VAT1L: variants seen among roughly 807,000 people sequenced by gnomAD.
VAT1L encodes the protein vesicle amine transport 1 like.
Under a neutral mutation model 44.1 loss-of-function variants are expected in VAT1L, and 34 were observed. The ratio of observed to expected loss-of-function variants is 0.77; its 90% CI spans 0.59 to 1.03. The LOEUF (loss-of-function observed/expected upper bound fraction) is 1.03, where lower values mean the gene tolerates loss of function less well. VAT1L is among the 50% of genes least tolerant of loss of function. The pLI is 0.00. For synonymous variants in VAT1L, 253 were observed against 202.2 expected (o/e 1.25, Z -2.13); for missense variants, 615 against 538.8 (o/e 1.14, Z -1.40).
At chr16:77,910,486 C>A (rs1488104411) in intron 7 of VAT1L, among the ~76,000 whole-genome samples, 1 of 151,916 alleles carries the variant, frequency 6.6e-6, no homozygotes, top group Non-Finnish European at 1.5e-5. Context: ...TCCTGGCTAA[C>A]ACGGTGAAAC....
chr16:77,811,954 T>A (rs185243180), intron 1 of VAT1L, among the ~76,000 whole-genome samples: 33 of 152,256 alleles, frequency 2.2e-4, no homozygotes, highest in African/African-American at 7.7e-4. Context: ...AAACAGACGA[T>A]GAGAGCTGGG....
chr16:77,937,171 G>A (rs1030041218), intron 7 of VAT1L, among the ~76,000 whole-genome samples: 3 of 152,118 alleles, frequency 2.0e-5, no homozygotes, highest in Non-Finnish European at 4.4e-5. Context: ...GTGAGCCACC[G>A]CGTCCTGCCC....
chr16:77,878,112 C>T (rs1232478094), intron 5 of VAT1L, among the ~76,000 whole-genome samples: 3 of 152,184 alleles, frequency 2.0e-5, no homozygotes, highest in South Asian at 2.1e-4. Flanking sequence ...TACTTCATTA[C>T]GTTGATCACT....
chr16:77,791,498 A>G (rs1205676225), intron 1 of VAT1L, among the ~76,000 whole-genome samples: 1 of 152,212 alleles, frequency 6.6e-6, no homozygotes, highest in Non-Finnish European at 1.5e-5. Flanking sequence ...CCTACAGAAC[A>G]GAAGAGCAAA....
In VAT1L at chr16:77,795,813, C is replaced by CTTTTTTTTTT. The variant is rs56725954; in HGVS notation, c.233+6914_233+6923dup. Among the ~76,000 whole-genome samples the CTTTTTTTTTT allele has an allele frequency of 9.7e-3, 972 of 100,610 alleles. 2 individuals are homozygous for CTTTTTTTTTT. Among genetic ancestry groups the CTTTTTTTTTT allele is most frequent in the East Asian group, 0.014 (38 of 2,664 alleles). The allele number at this position is 100,610 out of a possible 152,430, so 66.0% of individuals were successfully genotyped here. A position where few individuals can be genotyped will look rare whatever the true frequency, so the allele number is the denominator to read the frequency against. ...CAAGTCGCTTAGCTCCCTTTTTTCT[C>CTTTTTTTTTT]TTTTTTTTTTTTTTTTTTTTTTTTT... On this transcript the variant is annotated intron_variant, in intron 1 of 8. Transcript: ENST00000302536.
chr16:77,933,838 G>A (rs998613466), intron 7 of VAT1L, among the ~76,000 whole-genome samples: 8 of 152,210 alleles, frequency 5.3e-5, no homozygotes, highest in Non-Finnish European at 1.0e-4. Flanking sequence ...GAAGTAGTCA[G>A]ATGGCACATA....
At chr16:77,946,685 C>T (rs578087504) in intron 7 of VAT1L, among the ~76,000 whole-genome samples, 1 of 152,186 alleles carries the variant, frequency 6.6e-6, no homozygotes, top group Admixed American at 6.6e-5. Context: ...ATGAACATGT[C>T]ACTCTGGGAA....
chr16:77,794,573 T>C (rs1387794135), intron 1 of VAT1L, among the ~76,000 whole-genome samples: 1 of 152,200 alleles, frequency 6.6e-6, no homozygotes, highest in East Asian at 1.9e-4. Context: ...CTGTCACCAG[T>C]AAGGTTGATG....
chr16:77,944,115 A>G (rs1409749656), intron 7 of VAT1L, among the ~76,000 whole-genome samples: 1 of 152,144 alleles, frequency 6.6e-6, no homozygotes, highest in Non-Finnish European at 1.5e-5. Flanking sequence ...CTGGAAAAGT[A>G]TGACTGGGAT....
At chr16:77,818,279 G>A (rs1263947003) in intron 2 of VAT1L, among the ~76,000 whole-genome samples, 1 of 152,142 alleles carries the variant, frequency 6.6e-6, no homozygotes, top group Non-Finnish European at 1.5e-5. Flanking sequence ...AGATCAATAT[G>A]CTCCAAATTC....
chr16:77,848,989 A>G (rs2016782893), intron 3 of VAT1L, among the ~76,000 whole-genome samples: 1 of 152,204 alleles, frequency 6.6e-6, no homozygotes, highest in Non-Finnish European at 1.5e-5. Context: ...GTGGTGAACA[A>G]TGAGAACACA....
chr16:77,915,239 T>C (rs1021219648), intron 7 of VAT1L, among the ~76,000 whole-genome samples: 1 of 152,218 alleles, frequency 6.6e-6, no homozygotes, highest in Non-Finnish European at 1.5e-5. Context: ...ACAGACTACA[T>C]AGGCTTTACA....
At chr16:77,966,687 T>C (rs1352689408) in intron 7 of VAT1L, among the ~76,000 whole-genome samples, 6 of 152,176 alleles carry the variant, frequency 3.9e-5, no homozygotes, top group Admixed American at 1.3e-4. Context: ...ATTTTAATAA[T>C]TGTTATTTCA....
chr16:77,922,325 C>A (rs1302545009), intron 7 of VAT1L, among the ~76,000 whole-genome samples: 1 of 152,088 alleles, frequency 6.6e-6, no homozygotes, highest in Non-Finnish European at 1.5e-5. Context: ...TTTCTCAGAG[C>A]CACAGAATTA....
chr16:77,917,378 C>T (rs183944162), intron 7 of VAT1L, among the ~76,000 whole-genome samples: 1 of 152,278 alleles, frequency 6.6e-6, no homozygotes, highest in East Asian at 1.9e-4. Context: ...TATTAAAGTA[C>T]TGCCCTTAAC....
chr16:77,869,451 G>T (rs569343614), intron 4 of VAT1L, among the ~76,000 whole-genome samples: 1 of 152,184 alleles, frequency 6.6e-6, no homozygotes, highest in Non-Finnish European at 1.5e-5. Context: ...AAGGCAGGAG[G>T]ATAGCTTGAG....
chr16:77,803,738 A>G (rs1045098314), intron 1 of VAT1L, among the ~76,000 whole-genome samples: 181 of 152,182 alleles, frequency 1.2e-3, no homozygotes, highest in African/African-American at 4.2e-3. Context: ...TTTTATCAGC[A>G]GTAATGTCTT....
intron 7 of VAT1L, among the ~76,000 whole-genome samples, chr16:77,891,379 A>T (rs1156396688): frequency 1.3e-5 from 2 of 152,194 alleles, no homozygotes; most frequent in African/African-American, 4.8e-5. Flanking sequence ...AAAAAAATTC[A>T]GTTCCTCATG....
chr16:77,866,336 G>A (rs1347466839), intron 4 of VAT1L, among the ~76,000 whole-genome samples: 1 of 152,162 alleles, frequency 6.6e-6, no homozygotes, highest in African/African-American at 2.4e-5. Context: ...CCACATACTT[G>A]AGTATTGGGC....
Sources: allele counts gnomAD v4.1 joint callset (sites outside exome capture counted in the v4.1 genomes callset), GRCh38; gene constraint gnomAD v4.1.1; transcripts MANE v1.5; gene names NCBI Gene and HGNC (gene_info 2026-07-23, HGNC 2026-07-21).